Variants in PXDNL observed in about 807,000 individuals in gnomAD.
PXDNL encodes peroxidasin like.
A neutral mutation model predicts 150.8 loss-of-function variants in PXDNL; 145 were observed. The observed-to-expected ratio is 0.96, with a 90% CI of 0.84 to 1.10. PXDNL has a LOEUF of 1.10. PXDNL is among the 50% of genes least tolerant of loss of function. The probability of loss-of-function intolerance (pLI) is 0.00; values close to 1 mark genes in which losing one functional copy is unlikely to be tolerated. For missense variants in PXDNL, 2,087 were observed against 1,873.9 expected (o/e 1.11, Z -2.10); for synonymous variants, 757 against 725.7 (o/e 1.04, Z -0.69).
intron 4 of PXDNL, among the ~76,000 whole-genome samples, chr8:51,511,055 A>T (rs922317200): frequency 6.6e-6 from 1 of 152,156 alleles, no homozygotes; most frequent in African/African-American, 2.4e-5. Context: ...TGTGAAGCAG[A>T]GATAATCCCA....
chr8:51,369,362 A>G (rs557588262), intron 19 of PXDNL, among the ~76,000 whole-genome samples: 1 of 152,304 alleles, frequency 6.6e-6, no homozygotes, highest in African/African-American at 2.4e-5. Context: ...ATCTACATAG[A>G]GCAATGTTTC....
At chr8:51,661,003 G>A (rs936778688) in intron 1 of PXDNL, among the ~76,000 whole-genome samples, 5 of 152,164 alleles carry the variant, frequency 3.3e-5, no homozygotes, top group African/African-American at 7.2e-5. Context: ...GGACACTGCC[G>A]CACTGCCCGG....
At chr8:51,546,878 TC>T (rs979112871) in intron 4 of PXDNL, among the ~76,000 whole-genome samples, 6 of 152,086 alleles carry the variant, frequency 3.9e-5, no homozygotes, top group African/African-American at 1.4e-4. Flanking sequence ...ACTGCTGGCT[TC>T]CCCCAGTTCT....
chr8:51,432,271 C>T (rs564698198), intron 12 of PXDNL, among the ~76,000 whole-genome samples: 12 of 152,278 alleles, frequency 7.9e-5, no homozygotes, highest in East Asian at 3.9e-4. Flanking sequence ...CTTATACATA[C>T]GGGTTTTTTG....
At chr8:51,473,745 TA>T (rs58652177) in intron 7 of PXDNL, among the ~76,000 whole-genome samples, 28,487 of 129,838 alleles carry the variant, frequency 0.22, 3,573 homozygotes, top group African/African-American at 0.4. Context: ...ATGTCTAATT[TA>T]AAAAAAAAAA....
chr8:51,538,172 G>C (rs539669396), intron 4 of PXDNL, among the ~76,000 whole-genome samples: 40 of 152,304 alleles, frequency 2.6e-4, no homozygotes, highest in African/African-American at 8.7e-4. Context: ...CTGTGAAAGA[G>C]ACACCAGTGA....
chr8:51,530,504 G>C (rs535285583), intron 4 of PXDNL, among the ~76,000 whole-genome samples: 18 of 152,236 alleles, frequency 1.2e-4, no homozygotes, highest in Non-Finnish European at 2.4e-4. Flanking sequence ...GAAATCCCCA[G>C]TATATTTCTC....
intron 1 of PXDNL, among the ~76,000 whole-genome samples, chr8:51,767,201 T>C (rs1289560929): frequency 6.6e-6 from 1 of 152,066 alleles, no homozygotes; most frequent in South Asian, 2.1e-4. Flanking sequence ...TTACTTTTCC[T>C]ATGCTTGAGC....
intron 1 of PXDNL, among the ~76,000 whole-genome samples, chr8:51,770,470 G>GT (rs986329776): frequency 3.3e-5 from 5 of 152,192 alleles, no homozygotes; most frequent in African/African-American, 1.2e-4. Flanking sequence ...CTCTGAAGGA[G>GT]TTTTTTCCTC....
chr8:51,431,623 G>A lies in PXDNL; in HGVS notation c.1526-4865C>T, dbSNP rs1809249816. Among the ~76,000 whole-genome samples the A allele has an allele frequency of 3.9e-5, 6 of 152,258 alleles. No homozygotes were observed. In the South Asian group the frequency reaches 1.2e-3, roughly 32 times the overall value. ...GGTTTTTGTGTAACCCAGAGGCTGG[G>A]AATTCCTCTATAATATCGCTCATAG... On this transcript the variant is annotated intron_variant, in intron 12 of 22. Coordinates refer to ENST00000356297, the MANE Select transcript of PXDNL (RefSeq NM_144651.5).
chr8:51,442,878 A>G (rs1809583674), intron 12 of PXDNL, among the ~76,000 whole-genome samples: 1 of 151,858 alleles, frequency 6.6e-6, no homozygotes. Context: ...TTTTTAAAAA[A>G]TACCTTATGG....
At chr8:51,363,672 G>A (rs775612333) in intron 19 of PXDNL, among the ~76,000 whole-genome samples, 118 of 152,162 alleles carry the variant, frequency 7.8e-4, no homozygotes, top group Non-Finnish European at 7.2e-4. Flanking sequence ...TGCGCTGTAT[G>A]TCTGTGGATT....
At chr8:51,658,357 A>G (rs1376173723) in intron 1 of PXDNL, among the ~76,000 whole-genome samples, 27 of 111,154 alleles carry the variant, frequency 2.4e-4, no homozygotes, top group Admixed American at 6.6e-4. Context: ...AAAAAAAAAA[A>G]AAAAGAAAAG....
chr8:51,728,949 T>C (rs946204643), intron 1 of PXDNL, among the ~76,000 whole-genome samples: 1 of 152,214 alleles, frequency 6.6e-6, no homozygotes, highest in Non-Finnish European at 1.5e-5. Flanking sequence ...GTGCCCTACA[T>C]AGGTGTACCA....
At chr8:51,700,753 C>T (rs940927917) in intron 1 of PXDNL, among the ~76,000 whole-genome samples, 2 of 151,626 alleles carry the variant, frequency 1.3e-5, no homozygotes, top group African/African-American at 4.8e-5. Flanking sequence ...TATACATACT[C>T]ATACGCACAC....
At chr8:51,541,033 G>A (rs1475915063) in intron 4 of PXDNL, among the ~76,000 whole-genome samples, 3 of 151,978 alleles carry the variant, frequency 2.0e-5, no homozygotes, top group African/African-American at 7.3e-5. Context: ...ACCAAGGCAT[G>A]TGGATCACAA....
intron 20 of PXDNL, among the ~76,000 whole-genome samples, chr8:51,341,093 A>C (rs1055082341): frequency 1.3e-5 from 2 of 152,240 alleles, no homozygotes; most frequent in Non-Finnish European, 2.9e-5. Flanking sequence ...TGGGCCATGC[A>C]TCAGGCATTC....
At chr8:51,694,358 G>A (rs987152454) in intron 1 of PXDNL, among the ~76,000 whole-genome samples, 5 of 111,646 alleles carry the variant, frequency 4.5e-5, no homozygotes, top group South Asian at 3.4e-4. Context: ...GCGAGACTCC[G>A]TCTCAAACAA....
chr8:51,592,852 CA>C (rs1170167584), intron 2 of PXDNL, among the ~76,000 whole-genome samples, 154 bp from the exon 3 acceptor site: 1 of 152,024 alleles, frequency 6.6e-6, no homozygotes, highest in Non-Finnish European at 1.5e-5. Flanking sequence ...ATTCCCTATT[CA>C]AAAAAGTGAT....
Sources: allele counts gnomAD v4.1 joint callset (sites outside exome capture counted in the v4.1 genomes callset), GRCh38; gene constraint gnomAD v4.1.1; transcripts MANE v1.5; gene names NCBI Gene and HGNC (gene_info 2026-07-23, HGNC 2026-07-21).